Variants in FAT3 observed in about 807,000 individuals in gnomAD.
The protein encoded by FAT3 is FAT atypical cadherin 3.
FAT3 carries 95 observed loss-of-function variants against 310.2 expected under a neutral mutation model. The ratio of observed to expected loss-of-function variants is 0.31; its 90% CI spans 0.26 to 0.36. FAT3 has a LOEUF of 0.36. Ranked by LOEUF, FAT3 falls within the 10% of genes least tolerant of loss-of-function variation. The probability of loss-of-function intolerance (pLI) is 1.00; values close to 1 mark genes in which losing one functional copy is unlikely to be tolerated. For missense variants in FAT3, 5,408 were observed against 5,715.6 expected (o/e 0.95, Z 1.74); for synonymous variants, 2,314 against 2,192.9 (o/e 1.06, Z -1.54).
At chr11:92,523,551 T>A (rs1953754273) in intron 2 of FAT3, among the ~76,000 whole-genome samples, 1 of 152,212 alleles carries the variant, frequency 6.6e-6, no homozygotes. Flanking sequence ...CTAAGTTATA[T>A]GCCTAATTTA....
chr11:92,807,429 CT>C (rs1017111367), intron 12 of FAT3, among the ~76,000 whole-genome samples: 2 of 152,084 alleles, frequency 1.3e-5, no homozygotes, highest in African/African-American at 4.8e-5. Flanking sequence ...ACCACAGAAA[CT>C]TTTTATTTTC....
At chr11:92,652,149 C>T (rs961846973) in intron 3 of FAT3, among the ~76,000 whole-genome samples, 56 of 152,162 alleles carry the variant, frequency 3.7e-4, no homozygotes, top group African/African-American at 1.2e-3. Context: ...TTAGTAACAA[C>T]CCCCCTCTGC....
chr11:92,644,163 G>T (rs1942061356), intron 3 of FAT3, among the ~76,000 whole-genome samples: 1 of 152,194 alleles, frequency 6.6e-6, no homozygotes, highest in African/African-American at 2.4e-5. Context: ...GGCCAGGGGT[G>T]GGGGTGCCTC....
chr11:92,650,192 CA>C (rs1332048240), intron 3 of FAT3, among the ~76,000 whole-genome samples: 1 of 151,946 alleles, frequency 6.6e-6, no homozygotes, highest in African/African-American at 2.4e-5. Flanking sequence ...TTCCAGGAAC[CA>C]GAGAGGGGAC....
At chr11:92,617,320 A>G (rs1449943058) in intron 3 of FAT3, among the ~76,000 whole-genome samples, 1 of 152,152 alleles carries the variant, frequency 6.6e-6, no homozygotes, top group Non-Finnish European at 1.5e-5. Context: ...CATGGTTTTC[A>G]GCTCCATCTG....
intron 3 of FAT3, among the ~76,000 whole-genome samples, chr11:92,643,402 G>A (rs762415848): frequency 6.6e-6 from 1 of 152,180 alleles, no homozygotes; most frequent in Non-Finnish European, 1.5e-5. Flanking sequence ...CCAGTGCAGT[G>A]TCCAGAAAGT....
At chr11:92,356,854 G>A (rs1057488374) in intron 2 of FAT3, among the ~76,000 whole-genome samples, 4 of 152,100 alleles carry the variant, frequency 2.6e-5, no homozygotes, top group African/African-American at 9.7e-5. Context: ...CAGAAAAAAT[G>A]ATTTAAGAAA....
intron 1 of FAT3, among the ~76,000 whole-genome samples, chr11:92,277,613 C>A (rs1452717824): frequency 6.6e-6 from 1 of 152,078 alleles, no homozygotes; most frequent in Non-Finnish European, 1.5e-5. Flanking sequence ...GAGTAAAAAA[C>A]CAAATACGGA....
At chr11:92,473,671 A>T (rs545726661) in intron 2 of FAT3, among the ~76,000 whole-genome samples, 1 of 152,282 alleles carries the variant, frequency 6.6e-6, no homozygotes, top group South Asian at 2.1e-4. Flanking sequence ...TTTGGACTTA[A>T]GTTAAATACC....
chr11:92,403,323 T>C (rs955962679), intron 2 of FAT3: 1 of 152,216 alleles, frequency 6.6e-6, no homozygotes, highest in Non-Finnish European at 1.5e-5. Flanking sequence ...TCTTCTTAAA[T>C]TGTTTAATTC....
chr11:92,466,357 A>G (rs1343577558), intron 2 of FAT3, among the ~76,000 whole-genome samples: 1 of 152,164 alleles, frequency 6.6e-6, no homozygotes, highest in Non-Finnish European at 1.5e-5. Context: ...CGGAAAATGG[A>G]AAACAAGCAA....
intron 4 of FAT3, among the ~76,000 whole-genome samples, chr11:92,754,191 A>G (rs1425860155): frequency 2.6e-5 from 4 of 152,150 alleles, no homozygotes; most frequent in Admixed American, 2.0e-4. Flanking sequence ...TATAAAAACA[A>G]GAAAAGAAGT....
intron 3 of FAT3, among the ~76,000 whole-genome samples, chr11:92,532,360 G>T (rs775836216): frequency 6.6e-5 from 10 of 151,780 alleles, no homozygotes; most frequent in Non-Finnish European, 1.5e-4. Context: ...CTTGGCTTTG[G>T]GTTTTCTTTT....
intron 3 of FAT3, among the ~76,000 whole-genome samples, chr11:92,556,313 C>T (rs554429969): frequency 2.6e-5 from 4 of 152,290 alleles, no homozygotes; most frequent in South Asian, 4.1e-4. Flanking sequence ...CCACCAGTCA[C>T]GTGCCCTGTG....
At chr11:92,273,519 A>G (rs1215192588) in intron 1 of FAT3, among the ~76,000 whole-genome samples, 1 of 152,158 alleles carries the variant, frequency 6.6e-6, no homozygotes. Context: ...TCGATCTGGT[A>G]ATGTTTCCTG....
Position 92,866,941 on chromosome 11 carries a change from G to A in FAT3, c.11859G>A (p.Glu3953=), listed in dbSNP as rs544479286. The A allele has an allele frequency of 1.5e-5, 24 of 1,613,782 alleles. No individual in the cohort carries two copies. The highest frequency in any genetic ancestry group is 3.3e-4 in the Middle Eastern group (2 of 6,060). Residue 3953 remains glutamate (E), a synonymous_variant, in exon 22 of 28, where the codon GAG becomes GAA. Transcript: ENST00000525166. ...TCTACTTCCAGACGCTGAGCACTGA[G>A]AGTAGCATCTACTTCGGCGCCCTGG... ...APLYFQTLST[E]SSIYFGALVQ...
At chr11:92,634,226 T>C (rs1393048139) in intron 3 of FAT3, among the ~76,000 whole-genome samples, 1 of 152,226 alleles carries the variant, frequency 6.6e-6, no homozygotes, top group Non-Finnish European at 1.5e-5. Flanking sequence ...GGTTCTGACC[T>C]ACCAGGATTT....
At chr11:92,582,564 T>G (rs538293125) in intron 3 of FAT3, among the ~76,000 whole-genome samples, 4 of 152,206 alleles carry the variant, frequency 2.6e-5, no homozygotes, top group African/African-American at 9.6e-5. Context: ...TACAGAGTTT[T>G]ATAGATAAGG....
At chr11:92,809,715 G>A (rs1049958490) in intron 12 of FAT3, 128 bp from the exon 13 acceptor site, 26 of 680,920 alleles carry the variant, frequency 3.8e-5, no homozygotes, top group Non-Finnish European at 5.8e-5. Flanking sequence ...TTAAAGTATG[G>A]GACACTTGGG....
Sources: gnomAD v4.1 joint callset for allele counts (sites outside exome capture counted in the v4.1 genomes callset) on GRCh38, gnomAD v4.1.1 for gene constraint, MANE v1.5 for transcripts, NCBI Gene and HGNC (gene_info 2026-07-23, HGNC 2026-07-21) for gene names.